Variants in DTD1 observed in about 807,000 individuals in gnomAD.
DTD1 encodes D-aminoacyl-tRNA deacylase 1.
DTD1 carries 13 observed loss-of-function variants against 25.6 expected under a neutral mutation model. The observed-to-expected ratio is 0.51, with a 90% CI of 0.33 to 0.81. The LOEUF (loss-of-function observed/expected upper bound fraction) is 0.81, where lower values mean the gene tolerates loss of function less well. Ranked by LOEUF, DTD1 falls within the 30% of genes least tolerant of loss-of-function variation. DTD1 has a pLI of 0.02. For synonymous variants in DTD1, 110 were observed against 103.6 expected (o/e 1.06, Z -0.37); for missense variants, 193 against 266.4 (o/e 0.72, Z 1.92).
intron 3 of DTD1, among the ~76,000 whole-genome samples, chr20:18,602,064 CAG>C (rs2060637564): frequency 8.4e-6 from 1 of 119,112 alleles, no homozygotes; most frequent in East Asian, 2.3e-4. Flanking sequence ...ATAACCAATA[CAG>C]AGAAGTGCTT....
intron 4 of DTD1, among the ~76,000 whole-genome samples, chr20:18,738,377 C>G (rs2061264887): frequency 6.6e-6 from 1 of 152,184 alleles, no homozygotes; most frequent in East Asian, 1.9e-4. Context: ...GTGCCACAAA[C>G]CTACATGAGG....
intron 3 of DTD1, among the ~76,000 whole-genome samples, chr20:18,599,686 G>A (rs2060625771): frequency 6.6e-6 from 1 of 152,192 alleles, no homozygotes; most frequent in Admixed American, 6.5e-5. Context: ...AATATTTGGT[G>A]TTGTAATTGT....
intron 4 of DTD1, among the ~76,000 whole-genome samples, chr20:18,680,416 C>CTT: frequency 1.0e-5 from 1 of 99,886 alleles, no homozygotes; most frequent in Non-Finnish European, 2.1e-5. Context: ...TTGTTGTCTA[C>CTT]GTTTTTTTTT....
At chr20:18,755,352 G>A (rs1190379801) in intron 5 of DTD1, among the ~76,000 whole-genome samples, 2 of 152,164 alleles carry the variant, frequency 1.3e-5, no homozygotes, top group Non-Finnish European at 2.9e-5. Context: ...CATGTGCCAT[G>A]TTGGTATGCT....
At chr20:18,610,186 A>C (rs2060680769) in intron 3 of DTD1, among the ~76,000 whole-genome samples, 1 of 152,226 alleles carries the variant, frequency 6.6e-6, no homozygotes, top group Non-Finnish European at 1.5e-5. Flanking sequence ...ATGAAAGGAA[A>C]ACTGCTTTCA....
chr20:18,664,063 T>G (rs2060922001), intron 4 of DTD1, among the ~76,000 whole-genome samples: 1 of 152,190 alleles, frequency 6.6e-6, no homozygotes, highest in Non-Finnish European at 1.5e-5. Flanking sequence ...ATAGCTTAGG[T>G]GTGTAGTGGG....
intron 4 of DTD1, among the ~76,000 whole-genome samples, chr20:18,732,009 C>T (rs777022132): frequency 6.6e-6 from 1 of 152,214 alleles, no homozygotes; most frequent in Non-Finnish European, 1.5e-5. Flanking sequence ...CTGCTGAATG[C>T]ACGTCCTGCC....
intron 4 of DTD1, among the ~76,000 whole-genome samples, chr20:18,637,096 C>G (rs1477892117): frequency 2.0e-5 from 3 of 152,212 alleles, no homozygotes; most frequent in African/African-American, 7.2e-5. Context: ...CAGTGATCAT[C>G]TGCTCCAGGT....
intron 4 of DTD1, among the ~76,000 whole-genome samples, chr20:18,668,229 G>C (rs896290197): frequency 6.6e-6 from 1 of 152,172 alleles, no homozygotes; most frequent in African/African-American, 2.4e-5. Context: ...TTGAAACTTA[G>C]AAACACATTT....
At chr20:18,629,827 G>A (rs1447953815) in intron 4 of DTD1, among the ~76,000 whole-genome samples, 2 of 151,922 alleles carry the variant, frequency 1.3e-5, no homozygotes, top group South Asian at 4.1e-4. Flanking sequence ...TCTTCACATG[G>A]CCAGAGCAGA....
chr20:18,607,662 T>C (rs2060666138), intron 3 of DTD1, among the ~76,000 whole-genome samples: 1 of 152,186 alleles, frequency 6.6e-6, no homozygotes, highest in African/African-American at 2.4e-5. Context: ...TAAATATTGC[T>C]TCAGTTTCCT....
At chr20:18,650,828 G>A (rs1344644477) in intron 4 of DTD1, among the ~76,000 whole-genome samples, 4 of 152,164 alleles carry the variant, frequency 2.6e-5, no homozygotes, top group African/African-American at 7.2e-5. Flanking sequence ...GGCAATTATG[G>A]AAAATTAATG....
chr20:18,704,650 G>T (rs1467851357), intron 4 of DTD1, among the ~76,000 whole-genome samples: 1 of 152,092 alleles, frequency 6.6e-6, no homozygotes, highest in East Asian at 1.9e-4. Flanking sequence ...AGACATTTTT[G>T]GTTGTCACAA....
chr20:18,740,723 G>A (rs918490582), intron 4 of DTD1, among the ~76,000 whole-genome samples: 1 of 152,168 alleles, frequency 6.6e-6, no homozygotes, highest in African/African-American at 2.4e-5. Context: ...CATTTTAAGT[G>A]TATAGCTTAG....
At chr20:18,661,554 G>A (rs1025016811) in intron 4 of DTD1, among the ~76,000 whole-genome samples, 7 of 152,002 alleles carry the variant, frequency 4.6e-5, no homozygotes, top group Non-Finnish European at 8.8e-5. Flanking sequence ...TGTATTTTTA[G>A]TAGAGACGGG....
chr20:18,593,249 AAGT>A (rs1232286712), intron 1 of DTD1, among the ~76,000 whole-genome samples: 3 of 152,222 alleles, frequency 2.0e-5, no homozygotes, highest in African/African-American at 4.8e-5. Flanking sequence ...TCCTCATAGT[AAGT>A]AGGAAAATCA....
At position 18,680,561 on chromosome 20, in the gene DTD1, T is replaced by A. The variant is rs114387845; in HGVS notation, c.477+52328T>A. On this transcript the variant is annotated intron_variant, in intron 4 of 5. Transcript: ENST00000377452. ...CTGGATTGAACACCTACTCTGACCT[T>A]CATTTTGTCATAGTATAGCTCCATG... Among the ~76,000 whole-genome samples the A allele has an allele frequency of 2.2e-3, 328 of 152,136 alleles. 1 individual carries two copies. Among genetic ancestry groups the A allele is most frequent in the African/African-American group, 7.4e-3 (305 of 41,496 alleles).
At chr20:18,692,716 C>A (rs1465868200) in intron 4 of DTD1, among the ~76,000 whole-genome samples, 1 of 152,130 alleles carries the variant, frequency 6.6e-6, no homozygotes, top group Non-Finnish European at 1.5e-5. Flanking sequence ...TGGCACCATA[C>A]GCCTATAAAT....
chr20:18,654,386 C>T lies in DTD1; in HGVS notation c.477+26153C>T, dbSNP rs549863022. ...CCCTAGCCATGTGGAACTATGAGTC[C>T]ATTAAACCTCTTTTTTAAAAAGAAA... On this transcript the variant is annotated intron_variant, in intron 4 of 5. Coordinates refer to ENST00000377452, the MANE Select transcript of DTD1 (RefSeq NM_080820.6). 5.3e-5 allele frequency among the ~76,000 whole-genome samples: 8 copies of T among 152,306 alleles called. No homozygotes were observed. In the South Asian group the frequency reaches 1.5e-3, roughly 28 times the overall value.
Sources: allele counts gnomAD v4.1 joint callset (sites outside exome capture counted in the v4.1 genomes callset), GRCh38; gene constraint gnomAD v4.1.1; transcripts MANE v1.5; gene names NCBI Gene and HGNC (gene_info 2026-07-23, HGNC 2026-07-21).